The following UBE2H variants were observed in gnomAD, a reference collection of about 807,000 sequenced individuals.
The protein encoded by UBE2H is ubiquitin-conjugating enzyme E2 H.
In UBE2H, 3 loss-of-function variants were observed where a neutral mutation model predicts 29.0. The observed-to-expected ratio is 0.10, with a 90% CI of 0.05 to 0.27. The LOEUF (loss-of-function observed/expected upper bound fraction) is 0.27. Among genes scored for constraint, UBE2H ranks in the 10% least tolerant of loss-of-function variants. The probability of loss-of-function intolerance (pLI) is 1.00; values close to 1 mark genes in which losing one functional copy is unlikely to be tolerated. For synonymous variants in UBE2H, 69 were observed against 82.9 expected (o/e 0.83, Z 0.91); for missense variants, 68 against 228.2 (o/e 0.30, Z 4.52).
intron 1 of UBE2H, among the ~76,000 whole-genome samples, chr7:129,920,093 A>G (rs1807126170): frequency 6.6e-6 from 1 of 152,224 alleles, no homozygotes; most frequent in African/African-American, 2.4e-5. Flanking sequence ...TGTCCTGATC[A>G]GCTTATTTTT....
chr7:129,896,064 G>A (rs1365487090), intron 1 of UBE2H, among the ~76,000 whole-genome samples: 1 of 152,010 alleles, frequency 6.6e-6, no homozygotes, highest in Non-Finnish European at 1.5e-5. Flanking sequence ...TTGGCTGGGC[G>A]TCGTGGCTCA....
At chr7:129,911,092 T>C (rs1038563310) in intron 1 of UBE2H, among the ~76,000 whole-genome samples, 2 of 150,464 alleles carry the variant, frequency 1.3e-5, no homozygotes, top group African/African-American at 2.4e-5. Context: ...AGGTCAGGCA[T>C]GGTGACTCAT....
Position 129,952,741 on chromosome 7 carries a change from TG to T in UBE2H, c.-187del. 5.6e-6 allele frequency: 3 copies of T among 535,364 alleles called. No individual in the cohort carries two copies. The highest frequency in any genetic ancestry group is 8.6e-6 in the Non-Finnish European group (3 of 350,506). 33.2% of individuals were successfully genotyped at this position (535,364 alleles called of 1,614,324 possible). On this transcript the variant is annotated 5_prime_UTR_variant, in exon 1 of 7. Coordinates refer to ENST00000355621, the MANE Select transcript of UBE2H (RefSeq NM_003344.4). ...GAACACCGGGCACTGTCCGGCCGGG[TG>T]GGGGTGGGGACCCTGCGGCGCCCGG... is the stretch of plus-strand genomic sequence containing the variant.
intron 1 of UBE2H, among the ~76,000 whole-genome samples, chr7:129,935,666 A>G (rs540721334): frequency 6.6e-6 from 1 of 152,272 alleles, no homozygotes; most frequent in South Asian, 2.1e-4. Context: ...CTACTAAGTC[A>G]TTTTTATTTT....
chr7:129,867,720 AAAC>A (rs1805937820), intron 3 of UBE2H, among the ~76,000 whole-genome samples: 1 of 78,398 alleles, frequency 1.3e-5, no homozygotes, highest in Admixed American at 1.2e-4. Flanking sequence ...AAAAAAAAGA[AAAC>A]CAAAAAAAAA....
intron 3 of UBE2H, among the ~76,000 whole-genome samples, chr7:129,872,008 G>A (rs193286226): frequency 1.4e-4 from 22 of 152,074 alleles, no homozygotes; most frequent in Admixed American, 1.2e-3. Flanking sequence ...CACCATGCCC[G>A]GCTACTTTTT....
At chr7:129,912,702 G>C (rs1426675148) in intron 1 of UBE2H, among the ~76,000 whole-genome samples, 2 of 152,146 alleles carry the variant, frequency 1.3e-5, no homozygotes, top group Admixed American at 1.3e-4. Context: ...TTCAGATAAG[G>C]GATGCACAAC....
intron 3 of UBE2H, among the ~76,000 whole-genome samples, chr7:129,864,409 T>TA (rs1805858086): frequency 6.6e-6 from 1 of 152,242 alleles, no homozygotes; most frequent in African/African-American, 2.4e-5. Context: ...TTGTTTCCAT[T>TA]AGACCAGGAA....
chr7:129,909,832 A>C (rs1175568642), intron 1 of UBE2H, among the ~76,000 whole-genome samples: 1 of 152,224 alleles, frequency 6.6e-6, no homozygotes, highest in African/African-American at 2.4e-5. Context: ...TAAGACACAG[A>C]ATCTATCTTC....
intron 3 of UBE2H, 139 bp downstream of exon 3, chr7:129,879,429 T>G (rs922474660): frequency 2.6e-6 from 2 of 756,134 alleles, no homozygotes; most frequent in Admixed American, 2.5e-5. Context: ...CAAAAGTCAC[T>G]GATTAATTAA....
chr7:129,877,031 C>A (rs925074410), intron 3 of UBE2H, among the ~76,000 whole-genome samples: 1 of 152,098 alleles, frequency 6.6e-6, no homozygotes. Flanking sequence ...TAATGACACC[C>A]TTTAAGGGAT....
intron 3 of UBE2H, among the ~76,000 whole-genome samples, chr7:129,866,939 G>GT (rs1310383958): frequency 1.1e-4 from 17 of 152,298 alleles, no homozygotes; most frequent in African/African-American, 3.8e-4. Flanking sequence ...CTGGCATACA[G>GT]TAAGCATGCA....
At chr7:129,943,692 A>G (rs1027059798) in intron 1 of UBE2H, among the ~76,000 whole-genome samples, 1 of 152,092 alleles carries the variant, frequency 6.6e-6, no homozygotes, top group Admixed American at 6.6e-5. Flanking sequence ...CCTGAGGTCA[A>G]GAGTTCAAGA....
chr7:129,917,376 C>T (rs1807066049), intron 1 of UBE2H, among the ~76,000 whole-genome samples: 1 of 152,142 alleles, frequency 6.6e-6, no homozygotes, highest in Admixed American at 6.5e-5. Flanking sequence ...GAAATAGTCC[C>T]AGCCCCTACC....
intron 1 of UBE2H, among the ~76,000 whole-genome samples, chr7:129,942,737 CCAT>C (rs1807673204): frequency 6.6e-6 from 1 of 152,004 alleles, no homozygotes; most frequent in South Asian, 2.1e-4. Context: ...GAAAATAATA[CCAT>C]CAACAAAAAG....
intron 1 of UBE2H, among the ~76,000 whole-genome samples, chr7:129,947,844 C>CAAA: frequency 6.6e-6 from 1 of 152,176 alleles, no homozygotes; most frequent in East Asian, 1.9e-4. Flanking sequence ...AGCAAGTACC[C>CAAA]AAACATATGA....
intron 1 of UBE2H, among the ~76,000 whole-genome samples, chr7:129,932,284 C>T (rs1807422806): frequency 6.6e-6 from 1 of 150,962 alleles, no homozygotes; most frequent in Admixed American, 6.6e-5. Context: ...CCACCACGCC[C>T]GGCTAATTTT....
chr7:129,839,056 G>A (rs754547197), intron 6 of UBE2H, 151 bp downstream of exon 6: 2 of 1,132,754 alleles, frequency 1.8e-6, no homozygotes, highest in Non-Finnish European at 1.2e-6. Flanking sequence ...TGCCACCCGA[G>A]GTTGGTGAGC....
At chr7:129,849,352 C>G (rs1189225794) in intron 5 of UBE2H, among the ~76,000 whole-genome samples, 6 of 152,084 alleles carry the variant, frequency 3.9e-5, no homozygotes, top group Non-Finnish European at 7.4e-5. Flanking sequence ...CTGAGGCGGG[C>G]AGATCACTTG....
Sources: allele counts gnomAD v4.1 joint callset (sites outside exome capture counted in the v4.1 genomes callset), GRCh38; gene constraint gnomAD v4.1.1; transcripts MANE v1.5; gene names NCBI Gene and HGNC (gene_info 2026-07-23, HGNC 2026-07-21).